Variants in PRKG1 observed in about 807,000 individuals in gnomAD.
The protein encoded by PRKG1 is protein kinase cGMP-dependent 1.
In PRKG1, 35 loss-of-function variants were observed where a neutral mutation model predicts 88.1. The observed-to-expected ratio is 0.40, with a 90% confidence interval of 0.30 to 0.53. The LOEUF (loss-of-function observed/expected upper bound fraction) is 0.53. Ranked by LOEUF, PRKG1 falls within the 20% of genes least tolerant of loss-of-function variation. The pLI, the probability that PRKG1 is intolerant of heterozygous loss-of-function variation, is 0.59. For missense variants in PRKG1, 540 were observed against 839.8 expected (o/e 0.64, Z 4.41); for synonymous variants, 303 against 292.5 (o/e 1.04, Z -0.37).
At chr10:51,838,401 A>G (rs897907305) in intron 4 of PRKG1, among the ~76,000 whole-genome samples, 1 of 152,186 alleles carries the variant, frequency 6.6e-6, no homozygotes, top group African/African-American at 2.4e-5. Context: ...TTTAAAAGCC[A>G]TAGAGAAAAG....
intron 3 of PRKG1, among the ~76,000 whole-genome samples, chr10:51,691,111 A>G (rs1359086925): frequency 6.6e-6 from 1 of 151,126 alleles, no homozygotes; most frequent in Non-Finnish European, 1.5e-5. Flanking sequence ...TGAAAATGCA[A>G]ACATTTGTGG....
Position 52,089,804 on chromosome 10 carries a change from C to CTTTTTTTTTTTTTTTTTTTTTTTTTTTTT in PRKG1, c.935+27197_935+27198insTTTTTTTTTTTTTTTTTTTTTTTTTTTTT, listed in dbSNP as rs397846439. ...GGCTTAGATTATTGTTTCTTTCCTT[C>CTTTTTTTTTTTTTTTTTTTTTTTTTTTTT]TTTTTTTTTTTTTTTTTTTTTTTTG... On this transcript the variant is annotated intron_variant, in intron 7 of 17. Transcript: ENST00000373980. 5.9e-5 allele frequency among the ~76,000 whole-genome samples: 4 copies of CTTTTTTTTTTTTTTTTTTTTTTTTTTTTT among 67,734 alleles called. 1 individual carries two copies. Among genetic ancestry groups the CTTTTTTTTTTTTTTTTTTTTTTTTTTTTT allele is most frequent in the African/African-American group, 6.7e-5 (1 of 14,866 alleles). 44.4% of individuals were successfully genotyped at this position (67,734 alleles called of 152,430 possible).
intron 3 of PRKG1, 162 bp downstream of exon 3, chr10:51,467,998 G>T: frequency 3.2e-6 from 2 of 619,546 alleles, no homozygotes; most frequent in Non-Finnish European, 2.9e-6. Context: ...CCTACTAAAG[G>T]TGATTGTTAA....
chr10:52,030,692 C>T (rs1236218234), intron 5 of PRKG1, among the ~76,000 whole-genome samples: 1 of 152,184 alleles, frequency 6.6e-6, no homozygotes, highest in Non-Finnish European at 1.5e-5. Context: ...TCAGTTATCA[C>T]ATAGGACACG....
intron 1 of PRKG1, among the ~76,000 whole-genome samples, chr10:50,994,571 C>T (rs556890211): frequency 6.6e-6 from 1 of 152,030 alleles, no homozygotes; most frequent in South Asian, 2.1e-4. Flanking sequence ...AAAGGCTGTG[C>T]CGTTCTGAAG....
At chr10:51,971,320 G>T (rs1343167163) in intron 5 of PRKG1, among the ~76,000 whole-genome samples, 1 of 151,686 alleles carries the variant, frequency 6.6e-6, no homozygotes, top group Non-Finnish European at 1.5e-5. Flanking sequence ...TTAATTTAAT[G>T]CAAATTATTT....
chr10:51,774,568 C>A (rs1345699791), intron 3 of PRKG1, among the ~76,000 whole-genome samples: 3 of 151,950 alleles, frequency 2.0e-5, no homozygotes, highest in African/African-American at 7.3e-5. Context: ...ACTCTTCACA[C>A]AATAATATTT....
intron 2 of PRKG1, among the ~76,000 whole-genome samples, chr10:51,330,383 T>G (rs958186207): frequency 6.6e-6 from 1 of 152,094 alleles, no homozygotes; most frequent in African/African-American, 2.4e-5. Flanking sequence ...TCTCCTGACC[T>G]CAGGTGATTC....
chr10:52,247,574 C>G (rs1841058211), intron 9 of PRKG1, among the ~76,000 whole-genome samples: 1 of 152,124 alleles, frequency 6.6e-6, no homozygotes, highest in South Asian at 2.1e-4. Flanking sequence ...AAATTATCTT[C>G]AAATAATTCT....
rs1311348385 is a variant in PRKG1 at position 51,534,479 on chromosome 10, T to C, written c.592+66643T>C. Among the ~76,000 whole-genome samples, 8 of 151,764 alleles carry C rather than the reference T, an allele frequency of 5.3e-5. No homozygotes were observed. In the South Asian group the frequency reaches 1.7e-3, roughly 32 times the overall value. On this transcript the variant is annotated intron_variant, in intron 3 of 17. Coordinates refer to ENST00000373980, the MANE Select transcript of PRKG1 (RefSeq NM_006258.4). ...GTCAGGAGATCGAGACCATCCTGGC[T>C]AACATGGTGAAACCTCGTCTCTCCT...
intron 3 of PRKG1, among the ~76,000 whole-genome samples, chr10:51,737,118 T>C (rs1422157201): frequency 6.6e-6 from 1 of 152,180 alleles, no homozygotes; most frequent in African/African-American, 2.4e-5. Flanking sequence ...CACCACAAAT[T>C]TGACCACTGT....
At chr10:51,202,289 C>T (rs1418070736) in intron 2 of PRKG1, among the ~76,000 whole-genome samples, 1 of 152,190 alleles carries the variant, frequency 6.6e-6, no homozygotes, top group African/African-American at 2.4e-5. Flanking sequence ...CTTTCTCACA[C>T]TTGAGAGAAA....
chr10:52,122,976 T>C (rs1818742219), intron 7 of PRKG1, among the ~76,000 whole-genome samples: 1 of 152,196 alleles, frequency 6.6e-6, no homozygotes, highest in Non-Finnish European at 1.5e-5. Context: ...CTGCAATTAC[T>C]TTTTCTTCCC....
chr10:51,879,052 A>C (rs1224516055), intron 4 of PRKG1, among the ~76,000 whole-genome samples: 1 of 152,146 alleles, frequency 6.6e-6, no homozygotes, highest in Middle Eastern at 3.2e-3. Flanking sequence ...TCAACCTCTA[A>C]ATATTTCAAG....
chr10:51,556,374 A>G (rs954965971), intron 3 of PRKG1, among the ~76,000 whole-genome samples: 2 of 151,626 alleles, frequency 1.3e-5, no homozygotes, highest in Admixed American at 6.6e-5. Flanking sequence ...ATTTCAAAAA[A>G]TAATTTTTCA....
At chr10:51,070,985 G>A (rs922135659), upstream of PRKG1, among the ~76,000 whole-genome samples, 4 of 152,180 alleles carry the variant, frequency 2.6e-5, no homozygotes, top group Non-Finnish European at 5.9e-5. Context: ...GTGGGGCAGG[G>A]CTCAGATCAA....
chr10:51,147,666 T>C (rs922792233), intron 1 of PRKG1, among the ~76,000 whole-genome samples: 2 of 152,212 alleles, frequency 1.3e-5, no homozygotes, highest in Non-Finnish European at 2.9e-5. Context: ...TAATAAAAGA[T>C]AAATATTATT....
chr10:52,161,619 G>A (rs1289920541), intron 8 of PRKG1, among the ~76,000 whole-genome samples: 1 of 152,034 alleles, frequency 6.6e-6, no homozygotes, highest in Non-Finnish European at 1.5e-5. Flanking sequence ...ACAATTATTT[G>A]AACATCTGCT....
intron 2 of PRKG1, among the ~76,000 whole-genome samples, chr10:51,456,187 G>C (rs919785251): frequency 2.6e-5 from 4 of 152,122 alleles, no homozygotes; most frequent in African/African-American, 9.7e-5. Flanking sequence ...AAAACCATCA[G>C]ATCTCATAAG....
Sources: allele counts gnomAD v4.1 joint callset (sites outside exome capture counted in the v4.1 genomes callset), GRCh38; gene constraint gnomAD v4.1.1; transcripts MANE v1.5; gene names NCBI Gene and HGNC (gene_info 2026-07-23, HGNC 2026-07-21).